NCAM2: variants seen among roughly 807,000 people sequenced by gnomAD.
NCAM2 encodes the protein N-CAM-2.
In NCAM2, 30 loss-of-function variants were observed where a neutral mutation model predicts 98.1. The observed-to-expected ratio is 0.31, with a 90% CI of 0.23 to 0.41. The LOEUF (loss-of-function observed/expected upper bound fraction) is 0.41. Among genes scored for constraint, NCAM2 ranks in the 10% least tolerant of loss-of-function variants. The pLI, the probability that NCAM2 is intolerant of heterozygous loss-of-function variation, is 1.00. For missense variants in NCAM2, 867 were observed against 1,005.8 expected, an observed-to-expected ratio of 0.86 and a Z score of 1.87; for synonymous variants, 368 against 342.4, an observed-to-expected ratio of 1.07 and a Z score of -0.83.
intron 6 of NCAM2, among the ~76,000 whole-genome samples, chr21:21,333,261 G>A (rs150545483): frequency 9.2e-5 from 14 of 152,244 alleles, no homozygotes; most frequent in African/African-American, 3.4e-4. Flanking sequence ...AGCATTTAAA[G>A]TGAATGTAAT....
At chr21:21,187,441 CA>C (rs2068676605) in intron 1 of NCAM2, among the ~76,000 whole-genome samples, 2 of 150,702 alleles carry the variant, frequency 1.3e-5, no homozygotes, top group African/African-American at 4.9e-5. Context: ...ACTTCTCCAT[CA>C]ACAACAACAA....
intron 15 of NCAM2, among the ~76,000 whole-genome samples, chr21:21,484,184 C>A (rs2826859): frequency 0.49 from 74,234 of 151,874 alleles, 18,504 homozygotes; most frequent in Middle Eastern, 0.69. Context: ...GCAGAATAAA[C>A]ATCAATATTG....
At chr21:21,393,122 A>G (rs2076417331) in intron 9 of NCAM2, among the ~76,000 whole-genome samples, 1 of 152,078 alleles carries the variant, frequency 6.6e-6, no homozygotes, top group Non-Finnish European at 1.5e-5. Flanking sequence ...TAATTTTTGT[A>G]TACAGTATAA....
intron 15 of NCAM2, among the ~76,000 whole-genome samples, chr21:21,485,175 A>C (rs989284060): frequency 3.3e-5 from 5 of 152,180 alleles, no homozygotes; most frequent in African/African-American, 1.2e-4. Flanking sequence ...TTAAGGAATA[A>C]ATGTGAAACA....
At chr21:21,185,590 T>C (rs2146936182) in intron 1 of NCAM2, among the ~76,000 whole-genome samples, 1 of 152,314 alleles carries the variant, frequency 6.6e-6, no homozygotes, top group Middle Eastern at 3.4e-3. Context: ...CTTTGAGAAA[T>C]GGTTTAGTCA....
At chr21:21,419,735 C>T (rs1205921838) in intron 11 of NCAM2, among the ~76,000 whole-genome samples, 3 of 151,938 alleles carry the variant, frequency 2.0e-5, no homozygotes, top group Admixed American at 2.0e-4. Flanking sequence ...GTATATGTGC[C>T]ACATTTTCTT....
At chr21:21,252,185 A>C (rs1337166695) in intron 1 of NCAM2, among the ~76,000 whole-genome samples, 1 of 152,074 alleles carries the variant, frequency 6.6e-6, no homozygotes, top group African/African-American at 2.4e-5. Flanking sequence ...GTGATTATTA[A>C]AATGTAAGGA....
chr21:21,457,838 A>G (rs1982383562), intron 12 of NCAM2, among the ~76,000 whole-genome samples: 1 of 152,216 alleles, frequency 6.6e-6, no homozygotes, highest in Non-Finnish European at 1.5e-5. Context: ...AGATAGAATT[A>G]TTAATCAAAA....
intron 1 of NCAM2, among the ~76,000 whole-genome samples, chr21:21,178,051 G>A (rs766366761): frequency 3.2e-4 from 49 of 152,168 alleles, no homozygotes; most frequent in Admixed American, 5.9e-4. Flanking sequence ...TAATGTCATT[G>A]CATTGAAATT....
chr21:21,220,241 C>T (rs1166999700), intron 1 of NCAM2, among the ~76,000 whole-genome samples: 2 of 152,114 alleles, frequency 1.3e-5, no homozygotes, highest in Non-Finnish European at 2.9e-5. Flanking sequence ...CATTCAGTCA[C>T]CCTCAGCAAC....
rs1436411511 is a variant in NCAM2, at chr21:21,541,761, G to A, written c.*3804G>A. 6.6e-6 allele frequency: 1 copy of A among 151,552 alleles called. No individual in the cohort carries two copies. The allele number at this position is 151,552 out of a possible 1,614,324, so 9.4% of individuals were successfully genotyped here. ...AATAGCATATTATAATTATTTATGA[G>A]GTTCCCAATGTTGTTTTTCACAGAA... is the stretch of plus-strand genomic sequence containing the variant. On this transcript the variant is annotated 3_prime_UTR_variant, in exon 18 of 18. Transcript: ENST00000400546.
At chr21:21,017,155 A>G (rs2064326495) in intron 1 of NCAM2, among the ~76,000 whole-genome samples, 1 of 152,070 alleles carries the variant, frequency 6.6e-6, no homozygotes, top group Admixed American at 6.6e-5. Context: ...GCTGGGTGCC[A>G]TGGCTCACGC....
At position 21,542,384 on chromosome 21, in the gene NCAM2, ATTAC is replaced by A. The variant is rs939403697; in HGVS notation, c.*4430_*4433del. On this transcript the variant is annotated 3_prime_UTR_variant, in exon 18 of 18. Transcript: ENST00000400546. Reference sequence around the variant, plus strand: ...CACAATATTCTTAGAAAAATAGTTTATTACTTTAGGATTTTATCTATAACATAAA... The same window carrying A: ...CACAATATTCTTAGAAAAATAGTTTATTTAGGATTTTATCTATAACATAAA... The A allele has an allele frequency of 2.8e-4, 43 of 151,856 alleles. No homozygotes were observed. Among genetic ancestry groups the A allele is most frequent in the African/African-American group, 6.7e-4 (28 of 41,520 alleles). The allele number at this position is 151,856 out of a possible 1,614,324, so 9.4% of individuals were successfully genotyped here. A position where few individuals can be genotyped will look rare whatever the true frequency, so the allele number is the denominator to read the frequency against.
chr21:21,168,250 C>G (rs1487908562), intron 1 of NCAM2, among the ~76,000 whole-genome samples: 1 of 151,852 alleles, frequency 6.6e-6, no homozygotes, highest in Non-Finnish European at 1.5e-5. Flanking sequence ...ATCCAACACC[C>G]ATTCATGATA....
Position 21,477,393 on chromosome 21 carries a change from A to G in NCAM2, c.1999A>G (p.Thr667Ala), listed in dbSNP as rs2146261722. ...GACCATGGGGTATGAAGTTCAGATT[A>G]CAGCTGCCAATAGATTGGGATATTC... ...QWTMGYEVQITAANRLGYSEP... is the reference protein window; with the variant it reads ...QWTMGYEVQIAAANRLGYSEP... Residue 667 changes from threonine to alanine, a missense_variant, in exon 15 of 18, where the codon ACA becomes GCA. By Grantham distance (58) the Thr-to-Ala change is moderately conservative. Coordinates refer to ENST00000400546, the MANE Select transcript of NCAM2 (RefSeq NM_004540.5). 1 of 1,612,534 alleles carries G rather than the reference A, an allele frequency of 6.2e-7. No individual in the cohort carries two copies. The highest frequency in any genetic ancestry group is 8.5e-7 in the Non-Finnish European group (1 of 1,178,922).
chr21:21,430,394 T>TTATATATATATATATATATA lies in NCAM2; in HGVS notation c.1481-1705_1481-1704insATATATATATATATATATAT, dbSNP rs548093741. On this transcript the variant is annotated intron_variant, in intron 11 of 17. Transcript: ENST00000400546. ...TGTACTGCATATTTATCAGTCAAGTTTATATATATTAGCCCATTCTCACAC... is the reference window on the plus strand; with the variant it reads ...TGTACTGCATATTTATCAGTCAAGTTTATATATATATATATATATATATATATATTAGCCCATTCTCACAC... Among the ~76,000 whole-genome samples the TTATATATATATATATATATA allele has an allele frequency of 5.0e-4, 63 of 125,024 alleles. 2 individuals carry two copies. The highest frequency in any genetic ancestry group is 4.6e-3 in the East Asian group (14 of 3,058). 82.0% of individuals were successfully genotyped at this position (125,024 alleles called of 152,430 possible). A position where few individuals can be genotyped will look rare whatever the true frequency, so the allele number is the denominator to read the frequency against.
intron 16 of NCAM2, 137 bp downstream of exon 16, chr21:21,509,192 G>T: frequency 1.4e-6 from 1 of 702,676 alleles, no homozygotes; most frequent in Non-Finnish European, 2.3e-6. Flanking sequence ...TGCACTGCCT[G>T]CTCTCTGACC....
At chr21:21,048,150 G>T (rs999532139) in intron 1 of NCAM2, among the ~76,000 whole-genome samples, 4 of 151,978 alleles carry the variant, frequency 2.6e-5, no homozygotes, top group African/African-American at 9.7e-5. Flanking sequence ...TTTACAACCT[G>T]CTCTCTCTGA....
chr21:21,216,023 C>T (rs1384337463), intron 1 of NCAM2, among the ~76,000 whole-genome samples: 2 of 152,092 alleles, frequency 1.3e-5, no homozygotes, highest in African/African-American at 4.8e-5. Context: ...GAAAGCTAGA[C>T]CTGTTCTTTC....
Sources: gnomAD v4.1 joint callset for allele counts (sites outside exome capture counted in the v4.1 genomes callset) on GRCh38, gnomAD v4.1.1 for gene constraint, MANE v1.5 for transcripts, NCBI Gene and HGNC (gene_info 2026-07-23, HGNC 2026-07-21) for gene names.